Variants in GPR158 observed in about 807,000 individuals in gnomAD.
GPR158 encodes metabotropic glycine receptor.
GPR158 carries 30 observed loss-of-function variants against 78.2 expected under a neutral mutation model. The ratio of observed to expected loss-of-function variants is 0.38; its 90% confidence interval spans 0.29 to 0.52. The LOEUF (loss-of-function observed/expected upper bound fraction) is 0.52, where lower values mean the gene tolerates loss of function less well. GPR158 is among the 20% of genes least tolerant of loss of function. GPR158 has a pLI of 0.83. For missense variants in GPR158, 1,463 were observed against 1,523.5 expected (o/e 0.96, Z 0.66); for synonymous variants, 581 against 591.1 (o/e 0.98, Z 0.25).
At position 25,594,403 on chromosome 10, in the gene GPR158, CT is replaced by C. The variant is rs1352516375; in HGVS notation, c.1998+8del. 1 of 1,304,796 alleles carries C rather than the reference CT, an allele frequency of 7.7e-7. No individual in the cohort carries two copies. Among genetic ancestry groups the C allele is most frequent in the Non-Finnish European group, 1.1e-6 (1 of 921,550 alleles). 80.8% of individuals were successfully genotyped at this position (1,304,796 alleles called of 1,614,324 possible). A position where few individuals can be genotyped will look rare whatever the true frequency, so the allele number is the denominator to read the frequency against. Reference sequence around the variant, plus strand: ...GGTTGCTTTTGATTCCAAAGGTATTCTTCTAATATTACTTTTTTTTTTGCAA... The same window carrying C: ...GGTTGCTTTTGATTCCAAAGGTATTCTCTAATATTACTTTTTTTTTTGCAA... On this transcript the variant is annotated splice_region_variant and intron_variant, in intron 9 of 10. Transcript: ENST00000376351.
At chr10:25,255,787 T>A (rs1853881998) in intron 2 of GPR158, among the ~76,000 whole-genome samples, 1 of 152,202 alleles carries the variant, frequency 6.6e-6, no homozygotes, top group Non-Finnish European at 1.5e-5. Flanking sequence ...CCAGGATAAT[T>A]TTCATTTTGA....
rs1554787248 is a variant in GPR158 at position 25,241,338 on chromosome 10, T to TCTCTTCTCTTCTCTTCTC, written c.1008+20181_1008+20182insCTCTTCTCTTCTCTTCTC. Among the ~76,000 whole-genome samples, 7 of 110,890 alleles carry TCTCTTCTCTTCTCTTCTC rather than the reference T, an allele frequency of 6.3e-5. 1 individual carries two copies. Among genetic ancestry groups the TCTCTTCTCTTCTCTTCTC allele is most frequent in the African/African-American group, 2.8e-4 (7 of 24,834 alleles). 72.7% of individuals were successfully genotyped at this position (110,890 alleles called of 152,430 possible). A position where few individuals can be genotyped will look rare whatever the true frequency, so the allele number is the denominator to read the frequency against. ...TCTCTTCTCTTCTCTTCTCTTCTCT[T>TCTCTTCTCTTCTCTTCTC]TTCTCTTTTCTCTTTTCTTTTCTCT... On this transcript the variant is annotated intron_variant, in intron 2 of 10. Transcript: ENST00000376351.
At chr10:25,358,785 A>C (rs55885306) in intron 2 of GPR158, among the ~76,000 whole-genome samples, 15,176 of 152,140 alleles carry the variant, frequency 0.1, 1,872 homozygotes, top group African/African-American at 0.3. Context: ...TTCTGGAATT[A>C]GAAATTTATT....
chr10:25,375,493 T>C (rs1834065808), intron 2 of GPR158, among the ~76,000 whole-genome samples: 1 of 151,784 alleles, frequency 6.6e-6, no homozygotes, highest in East Asian at 1.9e-4. Flanking sequence ...CTTATAGTTT[T>C]ACCTTTTAAA....
At chr10:25,516,910 A>G (rs1292797537) in intron 5 of GPR158, among the ~76,000 whole-genome samples, 1 of 143,774 alleles carries the variant, frequency 7.0e-6, no homozygotes, top group African/African-American at 2.7e-5. Context: ...CTGTGAAGAA[A>G]GTCATTGGTA....
At position 25,469,370 on chromosome 10, in the gene GPR158, C is replaced by A. The variant is rs1835463525; in HGVS notation, c.1404+2651C>A. On this transcript the variant is annotated intron_variant, in intron 5 of 10. Coordinates refer to ENST00000376351, the MANE Select transcript of GPR158 (RefSeq NM_020752.3). ...TTTTCAACAGAGGCACTGATCTCTC[C>A]CTCAGATTCAGCCTTCCAGTGTCCA... Among the ~76,000 whole-genome samples, 3 of 152,214 alleles carry A rather than the reference C, an allele frequency of 2.0e-5. No individual in the cohort carries two copies. In the South Asian group the frequency reaches 6.2e-4, roughly 31 times the overall value.
intron 6 of GPR158, among the ~76,000 whole-genome samples, chr10:25,552,761 C>CTG (rs2130714046): frequency 6.6e-6 from 1 of 152,330 alleles, no homozygotes; most frequent in South Asian, 2.1e-4. Context: ...ACTCACTGTG[C>CTG]TGTACCTCAG....
At chr10:25,454,509 T>C (rs967241310) in intron 4 of GPR158, among the ~76,000 whole-genome samples, 5 of 152,036 alleles carry the variant, frequency 3.3e-5, no homozygotes, top group South Asian at 2.1e-4. Context: ...CAAGCCTGGA[T>C]GAGAGGACAG....
intron 4 of GPR158, among the ~76,000 whole-genome samples, chr10:25,414,042 C>T (rs1032794604): frequency 6.6e-6 from 1 of 151,022 alleles, no homozygotes; most frequent in Admixed American, 6.6e-5. Flanking sequence ...GTCTGTCTAA[C>T]AAACTTCTCT....
At chr10:25,314,610 G>T (rs1409493820) in intron 2 of GPR158, among the ~76,000 whole-genome samples, 2 of 147,890 alleles carry the variant, frequency 1.4e-5, no homozygotes, top group Non-Finnish European at 3.0e-5. Flanking sequence ...GCTTACTTTT[G>T]TTATTTCCTT....
intron 2 of GPR158, among the ~76,000 whole-genome samples, chr10:25,253,013 G>A (rs914642066): frequency 3.3e-5 from 5 of 152,274 alleles, no homozygotes; most frequent in South Asian, 2.1e-4. Flanking sequence ...ATATAGTCTC[G>A]TGGTGTGCCG....
At chr10:25,339,023 T>TG (rs945854803) in intron 2 of GPR158, among the ~76,000 whole-genome samples, 1 of 149,218 alleles carries the variant, frequency 6.7e-6, no homozygotes, top group African/African-American at 2.4e-5. Flanking sequence ...TTTCTTTCTT[T>TG]TTTTTTTTTT....
At chr10:25,372,122 G>T (rs1028492193) in intron 2 of GPR158, among the ~76,000 whole-genome samples, 5 of 151,472 alleles carry the variant, frequency 3.3e-5, no homozygotes, top group African/African-American at 1.2e-4. Flanking sequence ...CATCATCACT[G>T]GCCATCAGAG....
chr10:25,432,383 G>A (rs374613545), intron 4 of GPR158, among the ~76,000 whole-genome samples: 4 of 152,140 alleles, frequency 2.6e-5, no homozygotes, highest in African/African-American at 9.7e-5. Flanking sequence ...GTGAAGTTTG[G>A]TATAGATGTA....
At chr10:25,389,573 C>T (rs1020564847) in intron 2 of GPR158, among the ~76,000 whole-genome samples, 1 of 152,168 alleles carries the variant, frequency 6.6e-6, no homozygotes, top group Non-Finnish European at 1.5e-5. Flanking sequence ...TGTCTGTGTA[C>T]ATTCTTCCTG....
chr10:25,326,109 C>G (rs928608516), intron 2 of GPR158, among the ~76,000 whole-genome samples: 3 of 152,120 alleles, frequency 2.0e-5, no homozygotes, highest in Admixed American at 6.6e-5. Context: ...TCTCCCTCCC[C>G]CTAACAGGCT....
rs1182298104 is a variant in GPR158 at position 25,601,586 on chromosome 10, G to A, written c.*2312G>A. On this transcript the variant is annotated 3_prime_UTR_variant, in exon 11 of 11. Transcript: ENST00000376351. Reference sequence around the variant, plus strand: ...AAGACTTGCCAAATTATATCTTAGCGACATTCTATAGTTCATAGATTATTC... The same window carrying A: ...AAGACTTGCCAAATTATATCTTAGCAACATTCTATAGTTCATAGATTATTC... The A allele has an allele frequency of 2.0e-5, 3 of 152,562 alleles. No homozygotes were observed. Among genetic ancestry groups the A allele is most frequent in the Admixed American group, 6.6e-5 (1 of 15,248 alleles). 9.5% of individuals were successfully genotyped at this position (152,562 alleles called of 1,614,324 possible). A position where few individuals can be genotyped will look rare whatever the true frequency, so the allele number is the denominator to read the frequency against.
chr10:25,363,484 G>A (rs1029579729), intron 2 of GPR158, among the ~76,000 whole-genome samples: 1 of 151,894 alleles, frequency 6.6e-6, no homozygotes, highest in African/African-American at 2.4e-5. Flanking sequence ...CAATACCATG[G>A]CACTGGCTTT....
At chr10:25,321,472 A>C (rs553283126) in intron 2 of GPR158, among the ~76,000 whole-genome samples, 31 of 152,308 alleles carry the variant, frequency 2.0e-4, no homozygotes, top group African/African-American at 7.5e-4. Flanking sequence ...CTTTGGAATG[A>C]TATTTAGGAA....
Sources: gnomAD v4.1 joint callset for allele counts (sites outside exome capture counted in the v4.1 genomes callset) on GRCh38, gnomAD v4.1.1 for gene constraint, MANE v1.5 for transcripts, NCBI Gene and HGNC (gene_info 2026-07-23, HGNC 2026-07-21) for gene names.